The following NFKBIB variants were observed in gnomAD, a reference collection of about 807,000 sequenced individuals.
The protein encoded by NFKBIB is NF-kappa-B inhibitor beta.
In NFKBIB, 16 loss-of-function variants were observed where a neutral mutation model predicts 32.1. The ratio of observed to expected loss-of-function variants is 0.50; its 90% CI spans 0.34 to 0.76. The LOEUF (loss-of-function observed/expected upper bound fraction) is 0.76, where lower values mean the gene tolerates loss of function less well. Among genes scored for constraint, NFKBIB ranks in the 30% least tolerant of loss-of-function variants. NFKBIB has a pLI of 0.01. For missense variants in NFKBIB, 437 were observed against 514.9 expected (o/e 0.85, Z 1.46); for synonymous variants, 222 against 219.5 (o/e 1.01, Z -0.10).
Position 38,907,387 on chromosome 19 carries a change from G to C in NFKBIB, c.709-12G>C, listed in dbSNP as rs777857243. 6.3e-7 allele frequency: 1 copy of C among 1,588,872 alleles called. No homozygotes were observed. Among genetic ancestry groups the C allele is most frequent in the Non-Finnish European group, 8.6e-7 (1 of 1,163,032 alleles). Reference sequence around the variant, plus strand: ...CTTCGGGCCCTCTGACCTTTCTGTTGCACCCCCACAGGAGCCCACGTGCGG... The same window carrying C: ...CTTCGGGCCCTCTGACCTTTCTGTTCCACCCCCACAGGAGCCCACGTGCGG... On this transcript the variant is annotated splice_polypyrimidine_tract_variant and intron_variant, in intron 4 of 5. Coordinates refer to ENST00000313582, the MANE Select transcript of NFKBIB (RefSeq NM_002503.5).
intron 5 of NFKBIB, chr19:38,908,158 C>CAGAG: frequency 1.5e-5 from 15 of 996,046 alleles, no homozygotes; most frequent in Non-Finnish European, 1.8e-5. Flanking sequence ...TGGGTAAAGG[C>CAGAG]AGAGGGAAGG....
intron 1 of NFKBIB, among the ~76,000 whole-genome samples, chr19:38,900,785 A>AT (rs1973928739): frequency 6.6e-6 from 1 of 152,220 alleles, no homozygotes; most frequent in South Asian, 2.1e-4. Context: ...TTCTTTACAC[A>AT]TTACCACGTT....
At chr19:38,904,827 C>G (rs1974065337) in intron 1 of NFKBIB, among the ~76,000 whole-genome samples, 188 bp from the exon 2 acceptor site, 1 of 152,028 alleles carries the variant, frequency 6.6e-6, no homozygotes, top group African/African-American at 2.4e-5. Flanking sequence ...AGTGGAAATC[C>G]CACTGAATAA....
chr19:38,907,367 G>T (rs1325646860), intron 4 of NFKBIB, 32 bp from the exon 5 acceptor site: 2 of 1,595,820 alleles, frequency 1.3e-6, no homozygotes, highest in Admixed American at 3.4e-5. Flanking sequence ...CCCCTCTTCG[G>T]GCCCTCTGAC....
chr19:38,903,429 G>C (rs939373291), intron 1 of NFKBIB, among the ~76,000 whole-genome samples: 1 of 151,898 alleles, frequency 6.6e-6, no homozygotes, highest in African/African-American at 2.4e-5. Flanking sequence ...GATTACAGGC[G>C]CATGCCACCA....
intron 1 of NFKBIB, among the ~76,000 whole-genome samples, chr19:38,901,795 G>A (rs576264888): frequency 3.3e-4 from 50 of 151,896 alleles, no homozygotes; most frequent in Non-Finnish European, 5.6e-4. Context: ...GTGCAGCTGT[G>A]GTCTCAAACT....
chr19:38,901,578 C>T (rs561794645), intron 1 of NFKBIB, among the ~76,000 whole-genome samples: 7 of 152,138 alleles, frequency 4.6e-5, no homozygotes, highest in African/African-American at 1.7e-4. Context: ...GCTGAAACCT[C>T]TGACTCCTGG....
chr19:38,904,157 A>G (rs1974046538), intron 1 of NFKBIB, among the ~76,000 whole-genome samples: 1 of 152,162 alleles, frequency 6.6e-6, no homozygotes, highest in African/African-American at 2.4e-5. Context: ...AATTACTCGG[A>G]AGTAGTTTGA....
chr19:38,902,442 G>A (rs560451216), intron 1 of NFKBIB, among the ~76,000 whole-genome samples: 2 of 152,104 alleles, frequency 1.3e-5, no homozygotes, highest in South Asian at 2.1e-4. Flanking sequence ...TAAGGTGGGG[G>A]TTGGCAAACT....
rs558556014 is a variant in NFKBIB, at chr19:38,905,663, A to G, written c.619+128A>G. ...ATGCCTAGGCTTCAGGAGCCCACACATCGGGACCAGGGACCTCCACTCAGG... is the reference window on the plus strand; with the variant it reads ...ATGCCTAGGCTTCAGGAGCCCACACGTCGGGACCAGGGACCTCCACTCAGG... On this transcript the variant is annotated intron_variant, in intron 3 of 5. Transcript: ENST00000313582. This position sits in a 1 kb window ranked among gnomAD's most constrained non-coding sequence, Gnocchi z 5.5. 5 of 697,572 alleles carry G rather than the reference A, an allele frequency of 7.2e-6. No individual in the cohort carries two copies. Among genetic ancestry groups the G allele is most frequent in the African/African-American group, 5.4e-5 (3 of 55,304 alleles). The allele number at this position is 697,572 out of a possible 1,614,324, so 43.2% of individuals were successfully genotyped here.
At chr19:38,907,193 C>T (rs780272772) in intron 3 of NFKBIB, 28 bp from the exon 4 acceptor site, 3 of 1,586,782 alleles carry the variant, frequency 1.9e-6, no homozygotes, top group South Asian at 2.2e-5. Flanking sequence ...CTCACCTCAT[C>T]ATCTGACGCC....
At chr19:38,906,472 T>G (rs935790251) in intron 3 of NFKBIB, among the ~76,000 whole-genome samples, 5 of 136,938 alleles carry the variant, frequency 3.7e-5, no homozygotes, top group Non-Finnish European at 6.3e-5. Flanking sequence ...TAAGGTTTTT[T>G]TTTTTTTTTT....
intron 1 of NFKBIB, among the ~76,000 whole-genome samples, chr19:38,901,113 T>C (rs570852882): frequency 3.9e-5 from 6 of 152,116 alleles, no homozygotes; most frequent in Non-Finnish European, 8.8e-5. Context: ...AGATGAGGGA[T>C]TGTACTGGGT....
chr19:38,908,676 G>A, intron 5 of NFKBIB, 55 bp from the exon 6 acceptor site: 1 of 1,573,080 alleles, frequency 6.4e-7, no homozygotes, highest in Non-Finnish European at 8.6e-7. Context: ...GGACATGGGT[G>A]GTGGGCAAAG....
At chr19:38,908,067 GA>G in intron 5 of NFKBIB, 2 of 1,061,740 alleles carry the variant, frequency 1.9e-6, no homozygotes, top group Non-Finnish European at 2.3e-6. Context: ...CAGCGGTGGG[GA>G]GAGATATAGT....
intron 5 of NFKBIB, 167 bp from the exon 6 acceptor site, chr19:38,908,559 GAAAGA>G (rs1974226856): frequency 9.2e-7 from 1 of 1,091,024 alleles, no homozygotes; most frequent in African/African-American, 1.7e-5. Context: ...AAAAAAAAAA[GAAAGA>G]AAAGAAAATG....
rs17886215 is a variant in NFKBIB, at chr19:38,908,776, C to T, written c.1015C>T (p.Arg339Trp). ...IVVHSSRSQTRLPPTPASKPL... is the reference protein window; with the variant it reads ...IVVHSSRSQTWLPPTPASKPL... ...GGTTCACAGCAGCCGCAGCCAAACC[C>T]GGCTGCCTCCCACCCCAGCCTCAAA... The change falls in exon 6 of 6, where the codon CGG (arginine) becomes TGG (tryptophan). Residue 339 changes from arginine (R) to tryptophan (W), a missense_variant. Coordinates refer to ENST00000313582, the MANE Select transcript of NFKBIB (RefSeq NM_002503.5). The T allele has an allele frequency of 2.9e-4, 462 of 1,613,778 alleles. No homozygotes were observed. The highest frequency in any genetic ancestry group is 3.6e-4 in the Non-Finnish European group (427 of 1,179,908).
intron 5 of NFKBIB, chr19:38,907,922 T>C: frequency 7.5e-7 from 1 of 1,337,996 alleles, no homozygotes; most frequent in East Asian, 2.9e-5. Context: ...TCGCAGTGAT[T>C]GGTGAACACA....
At chr19:38,899,882 C>T (rs199616015), upstream of NFKBIB, 27 of 813,592 alleles carry the variant, frequency 3.3e-5, no homozygotes, top group African/African-American at 3.6e-4. Context: ...GGATGCAGTA[C>T]GAGGGCGGGG....
Sources: allele counts gnomAD v4.1 joint callset (sites outside exome capture counted in the v4.1 genomes callset), GRCh38; gene constraint gnomAD v4.1.1; non-coding constraint Gnocchi (gnomAD v3.1); transcripts MANE v1.5; gene names NCBI Gene and HGNC (gene_info 2026-07-23, HGNC 2026-07-21).